PTPRK: variants seen among roughly 807,000 people sequenced by gnomAD.
The protein encoded by PTPRK is receptor-type tyrosine-protein phosphatase kappa.
Under a neutral mutation model 178.0 loss-of-function variants are expected in PTPRK, and 75 were observed. The observed-to-expected ratio is 0.42, with a 90% CI of 0.35 to 0.51. The LOEUF (loss-of-function observed/expected upper bound fraction) is 0.51, where lower values mean the gene tolerates loss of function less well. Among genes scored for constraint, PTPRK ranks in the 20% least tolerant of loss-of-function variants. The pLI is 0.02. For synonymous variants in PTPRK, 637 were observed against 620.6 expected, an observed-to-expected ratio of 1.03 and a Z score of -0.39; for missense variants, 1,441 against 1,797.8, an observed-to-expected ratio of 0.80 and a Z score of 3.59.
In PTPRK at chr6:128,472,454, A is replaced by G. The variant is rs547153624; in HGVS notation, c.100+47805T>C. On this transcript the variant is annotated intron_variant, in intron 1 of 29. Transcript: ENST00000368226. Reference sequence around the variant, plus strand: ...CCCTTTAGCTTAGGGAACTCCCTGAATTTGTTTTTATCTTTTTATTTTGAA... The same window carrying G: ...CCCTTTAGCTTAGGGAACTCCCTGAGTTTGTTTTTATCTTTTTATTTTGAA... Among the ~76,000 whole-genome samples the G allele has an allele frequency of 3.5e-4, 48 of 136,092 alleles. No homozygotes were observed. In the East Asian group the frequency reaches 0.012, roughly 34 times the overall value. 89.3% of individuals were successfully genotyped at this position (136,092 alleles called of 152,430 possible).
intron 2 of PTPRK, among the ~76,000 whole-genome samples, chr6:128,327,132 T>G (rs1170272502): frequency 6.6e-6 from 1 of 152,116 alleles, no homozygotes; most frequent in Non-Finnish European, 1.5e-5. Context: ...ATCTAGTATA[T>G]AGATGAATAT....
chr6:127,990,158 A>G (rs1225147321), intron 21 of PTPRK, among the ~76,000 whole-genome samples: 1 of 152,132 alleles, frequency 6.6e-6, no homozygotes, highest in Non-Finnish European at 1.5e-5. Context: ...ATCATGGCCT[A>G]CAAGGCACCA....
In PTPRK at chr6:128,482,722, G is replaced by A. The variant is rs79512370; in HGVS notation, c.100+37537C>T. Among the ~76,000 whole-genome samples, 120 of 152,256 alleles carry A rather than the reference G, an allele frequency of 7.9e-4. 3 individuals carry two copies. The East Asian group carries it at 0.018, about 23-fold the overall frequency. The stretch of plus-strand genomic sequence containing the variant: ...ACACACACCAACCAAACAGCAAGGT[G>A]CTAGGAAATACAGAGAATTCCCTCT... On this transcript the variant is annotated intron_variant, in intron 1 of 29. Transcript: ENST00000368226.
In PTPRK at chr6:128,463,911, C is replaced by G. The variant is rs561837998; in HGVS notation, c.100+56348G>C. Among the ~76,000 whole-genome samples the G allele has an allele frequency of 5.3e-5, 8 of 151,834 alleles. No homozygotes were observed. The South Asian group carries it at 1.7e-3, about 32-fold the overall frequency. ...GGATTACAGGTGCCTGCCACCACAC[C>G]CGGGTAATTTTTGTATTTTTTTTTA... On this transcript the variant is annotated intron_variant, in intron 1 of 29. Coordinates refer to ENST00000368226, the MANE Select transcript of PTPRK (RefSeq NM_002844.4).
At chr6:127,988,416 G>A (rs2114652199) in intron 21 of PTPRK, among the ~76,000 whole-genome samples, 1 of 146,140 alleles carries the variant, frequency 6.8e-6, no homozygotes, top group African/African-American at 2.5e-5. Context: ...TGATTCTCTT[G>A]CCTCAGCCTT....
chr6:128,091,177 T>G (rs1218510856), intron 7 of PTPRK, among the ~76,000 whole-genome samples: 1 of 152,200 alleles, frequency 6.6e-6, no homozygotes, highest in African/African-American at 2.4e-5. Flanking sequence ...AAATTTATCT[T>G]CGGTAGAATC....
At chr6:128,085,014 T>C (rs1298288575) in intron 8 of PTPRK, 1 of 152,162 alleles carries the variant, frequency 6.6e-6, no homozygotes, top group African/African-American at 2.4e-5. Context: ...CATTGCATTG[T>C]GGCTAGGAGC....
chr6:128,331,038 C>A, intron 2 of PTPRK, among the ~76,000 whole-genome samples: 1 of 152,114 alleles, frequency 6.6e-6, no homozygotes, highest in East Asian at 1.9e-4. Flanking sequence ...AAAGTAGTTC[C>A]TTCCAGGGTT....
chr6:128,161,491 T>G (rs1377401601), intron 7 of PTPRK, among the ~76,000 whole-genome samples: 1 of 151,678 alleles, frequency 6.6e-6, no homozygotes, highest in Admixed American at 6.6e-5. Flanking sequence ...AGTAATCTAC[T>G]GTTCTCTGAC....
At chr6:128,501,946 C>A (rs1210723717) in intron 1 of PTPRK, among the ~76,000 whole-genome samples, 1 of 152,110 alleles carries the variant, frequency 6.6e-6, no homozygotes, top group Non-Finnish European at 1.5e-5. Context: ...ATCAAAGTGG[C>A]AATGTATAGC....
At chr6:128,014,452 A>AT (rs1779375703) in intron 13 of PTPRK, among the ~76,000 whole-genome samples, 1 of 19,874 alleles carries the variant, frequency 5.0e-5, no homozygotes, top group Non-Finnish European at 8.3e-5. Context: ...GCCTTCATCT[A>AT]TAAAAAAAAT....
chr6:128,489,878 T>G (rs1242983778), intron 1 of PTPRK, among the ~76,000 whole-genome samples: 1 of 152,244 alleles, frequency 6.6e-6, no homozygotes, highest in East Asian at 1.9e-4. Flanking sequence ...ATCTGCATTT[T>G]CAGGAAGCTT....
At chr6:128,468,826 C>G (rs1379526978) in intron 1 of PTPRK, among the ~76,000 whole-genome samples, 1 of 148,786 alleles carries the variant, frequency 6.7e-6, no homozygotes, top group African/African-American at 2.5e-5. Flanking sequence ...TCCAATGTTT[C>G]TGTTTCAATC....
chr6:128,165,796 A>G (rs568586124), intron 7 of PTPRK, among the ~76,000 whole-genome samples: 4 of 151,710 alleles, frequency 2.6e-5, no homozygotes, highest in African/African-American at 9.6e-5. Flanking sequence ...TGAAAAATTA[A>G]TGAAACTAAA....
chr6:128,310,463 C>CAA, intron 3 of PTPRK, among the ~76,000 whole-genome samples: 1 of 152,094 alleles, frequency 6.6e-6, no homozygotes, highest in Admixed American at 6.6e-5. Context: ...ACAAAAAACT[C>CAA]CGAACAAGGA....
At chr6:128,304,081 C>T (rs1377115306) in intron 3 of PTPRK, among the ~76,000 whole-genome samples, 1 of 152,126 alleles carries the variant, frequency 6.6e-6, no homozygotes, top group African/African-American at 2.4e-5. Flanking sequence ...CCATATTTTG[C>T]CTGTGGTTTA....
At chr6:128,401,670 C>A (rs1415116414) in intron 1 of PTPRK, among the ~76,000 whole-genome samples, 1 of 152,132 alleles carries the variant, frequency 6.6e-6, no homozygotes, top group Non-Finnish European at 1.5e-5. Context: ...AATTTTCTGA[C>A]TGAGTACAGT....
chr6:128,064,864 TTA>T, intron 12 of PTPRK, 70 bp from the exon 13 acceptor site: 2 of 1,466,076 alleles, frequency 1.4e-6, no homozygotes, highest in Non-Finnish European at 1.8e-6. Context: ...TAAACTATAA[TTA>T]TTATGAAGAT....
intron 13 of PTPRK, among the ~76,000 whole-genome samples, chr6:128,031,046 C>T (rs536266319): frequency 2.0e-5 from 3 of 152,154 alleles, no homozygotes; most frequent in Non-Finnish European, 4.4e-5. Flanking sequence ...ACTATCACAT[C>T]TGTGAAACTT....
Sources: allele counts gnomAD v4.1 joint callset (sites outside exome capture counted in the v4.1 genomes callset), GRCh38; gene constraint gnomAD v4.1.1; transcripts MANE v1.5; gene names NCBI Gene and HGNC (gene_info 2026-07-23, HGNC 2026-07-21).